CACNB2: variants seen among roughly 807,000 people sequenced by gnomAD.
The protein encoded by CACNB2 is calcium voltage-gated channel auxiliary subunit beta 2, also known as voltage-dependent L-type calcium channel subunit beta-2.
Under a neutral mutation model 73.3 loss-of-function variants are expected in CACNB2, and 42 were observed. The observed-to-expected ratio is 0.57, with a 90% CI of 0.45 to 0.74. CACNB2 has a LOEUF of 0.74. CACNB2 is among the 30% of genes least tolerant of loss of function. CACNB2 has a pLI of 0.00. For synonymous variants in CACNB2, 348 were observed against 310.3 expected, an observed-to-expected ratio of 1.12 and a Z score of -1.28; for missense variants, 940 against 853.0, an observed-to-expected ratio of 1.10 and a Z score of -1.27.
chr10:18,388,482 T>G (rs1171034251), intron 2 of CACNB2, among the ~76,000 whole-genome samples: 2 of 152,174 alleles, frequency 1.3e-5, no homozygotes, highest in African/African-American at 4.8e-5. Context: ...TACTTTCCAG[T>G]GCTTTATTTC....
At chr10:18,191,259 G>C (rs766904309) in intron 2 of CACNB2, among the ~76,000 whole-genome samples, 1 of 152,174 alleles carries the variant, frequency 6.6e-6, no homozygotes, top group Non-Finnish European at 1.5e-5. Context: ...TTTTATGAAT[G>C]AAAATACTGA....
intron 5 of CACNB2, among the ~76,000 whole-genome samples, chr10:18,504,282 G>A (rs1411333821): frequency 6.6e-6 from 1 of 152,220 alleles, no homozygotes; most frequent in Non-Finnish European, 1.5e-5. Flanking sequence ...GTAAGCGTCA[G>A]AACCAAGATG....
In CACNB2 at chr10:18,470,180, C is replaced by G. The variant is rs909755071; in HGVS notation, c.334-28175C>G. On this transcript the variant is annotated intron_variant, in intron 3 of 13. Transcript: ENST00000324631. The stretch of plus-strand genomic sequence containing the variant: ...TAGCCAAAATAAAAAAATTTAAAAT[C>G]CACATTAAAAAGAAATGTATTCAGG... 4.0e-5 allele frequency among the ~76,000 whole-genome samples: 6 copies of G among 151,424 alleles called. 1 individual carries two copies. The highest frequency in any genetic ancestry group is 8.8e-5 in the Non-Finnish European group (6 of 67,910).
chr10:18,230,621 A>T (rs2036188874), intron 2 of CACNB2, among the ~76,000 whole-genome samples: 1 of 152,222 alleles, frequency 6.6e-6, no homozygotes, highest in African/African-American at 2.4e-5. Context: ...TCTTGGAAAA[A>T]TCTATAAATG....
chr10:18,256,357 G>T (rs1055558668), intron 2 of CACNB2, among the ~76,000 whole-genome samples: 3 of 152,050 alleles, frequency 2.0e-5, no homozygotes, highest in African/African-American at 7.2e-5. Context: ...TATTGACCAG[G>T]TTATTTTTAG....
At chr10:18,321,117 G>T (rs2040382929) in intron 2 of CACNB2, among the ~76,000 whole-genome samples, 1 of 152,200 alleles carries the variant, frequency 6.6e-6, no homozygotes, top group African/African-American at 2.4e-5. Context: ...TGAGAAAGCA[G>T]AAATAGACCT....
intron 3 of CACNB2, among the ~76,000 whole-genome samples, chr10:18,440,578 TTG>T (rs1345191588): frequency 3.3e-5 from 5 of 151,904 alleles, no homozygotes; most frequent in African/African-American, 1.2e-4. Context: ...CACTTAGAGG[TTG>T]CAGTGAGTTG....
chr10:18,357,223 G>A (rs1589129469), intron 2 of CACNB2, among the ~76,000 whole-genome samples: 1 of 151,864 alleles, frequency 6.6e-6, no homozygotes, highest in African/African-American at 2.4e-5. Flanking sequence ...GATTACAGGC[G>A]TGAGCCACCG....
At chr10:18,285,280 G>T (rs1443117301) in intron 2 of CACNB2, among the ~76,000 whole-genome samples, 4 of 152,192 alleles carry the variant, frequency 2.6e-5, no homozygotes, top group African/African-American at 9.6e-5. Flanking sequence ...GACTTTCAAG[G>T]TTAGGTGAGA....
At chr10:18,446,607 T>A (rs1589382594) in intron 3 of CACNB2, among the ~76,000 whole-genome samples, 3 of 152,288 alleles carry the variant, frequency 2.0e-5, no homozygotes, top group East Asian at 3.9e-4. Context: ...CTACTTAGTA[T>A]CACAGATGTT....
chr10:18,419,189 A>G (rs561720710), intron 3 of CACNB2, among the ~76,000 whole-genome samples: 1 of 152,366 alleles, frequency 6.6e-6, no homozygotes, highest in Non-Finnish European at 1.5e-5. Context: ...TTCTCCTCTG[A>G]GCGTACTGTG....
chr10:18,418,539 C>T (rs1173776709), intron 3 of CACNB2, among the ~76,000 whole-genome samples: 1 of 152,172 alleles, frequency 6.6e-6, no homozygotes, highest in Non-Finnish European at 1.5e-5. Flanking sequence ...AGATTGAAAA[C>T]CTAACTTGGA....
intron 2 of CACNB2, among the ~76,000 whole-genome samples, chr10:18,268,809 C>G (rs2037923275): frequency 6.6e-6 from 1 of 152,164 alleles, no homozygotes; most frequent in African/African-American, 2.4e-5. Flanking sequence ...TCTCCTACCT[C>G]ACTAGAAAAC....
rs1230031699 is a variant in CACNB2 at position 18,542,155 on chromosome 10, A to G, written c.*2431A>G. On this transcript the variant is annotated 3_prime_UTR_variant, in exon 14 of 14. Transcript: ENST00000324631. ...GCTGCAGTGAACCGTGACTGTACCA[A>G]TGCACTCCAGCCTGGTGACAACCTG... 2 of 151,940 alleles carry G rather than the reference A, an allele frequency of 1.3e-5. No homozygotes were observed. Among genetic ancestry groups the G allele is most frequent in the Non-Finnish European group, 2.9e-5 (2 of 67,952 alleles). 9.4% of individuals were successfully genotyped at this position (151,940 alleles called of 1,614,324 possible). A position where few individuals can be genotyped will look rare whatever the true frequency, so the allele number is the denominator to read the frequency against.
At chr10:18,320,808 T>G (rs1350819464) in intron 2 of CACNB2, among the ~76,000 whole-genome samples, 1 of 152,244 alleles carries the variant, frequency 6.6e-6, no homozygotes, top group African/African-American at 2.4e-5. Flanking sequence ...TGATTTTCAC[T>G]TCCTGTCCAG....
At chr10:18,298,745 G>A (rs1176493527) in intron 2 of CACNB2, among the ~76,000 whole-genome samples, 1 of 152,216 alleles carries the variant, frequency 6.6e-6, no homozygotes, top group African/African-American at 2.4e-5. Context: ...CCACCTTCTT[G>A]TAGTTCAACT....
In CACNB2 at chr10:18,265,241, C is replaced by T. The variant is rs1033635709; in HGVS notation, c.213+114266C>T. Among the ~76,000 whole-genome samples the T allele has an allele frequency of 1.3e-4, 19 of 150,404 alleles. 1 individual carries two copies. The highest frequency in any genetic ancestry group is 6.3e-4 in the South Asian group (3 of 4,748). On this transcript the variant is annotated intron_variant, in intron 2 of 13. Transcript: ENST00000324631. ...TCTCAGCTCTCTGCAACCTCCACCT[C>T]CCGCATTCAAGCCTCAGCCTCCTGA...
intron 2 of CACNB2, among the ~76,000 whole-genome samples, chr10:18,248,696 TCTGTC>T (rs1224479431): frequency 2.6e-5 from 4 of 152,334 alleles, no homozygotes; most frequent in African/African-American, 9.6e-5. Flanking sequence ...TTCCTCTTGT[TCTGTC>T]CTGTAATTTT....
chr10:18,455,556 T>C (rs1224573340), intron 3 of CACNB2, among the ~76,000 whole-genome samples: 5 of 152,194 alleles, frequency 3.3e-5, no homozygotes, highest in Non-Finnish European at 7.3e-5. Context: ...GGATAAATAG[T>C]GTATAAAGTT....
Sources: allele counts gnomAD v4.1 joint callset (sites outside exome capture counted in the v4.1 genomes callset), GRCh38; gene constraint gnomAD v4.1.1; transcripts MANE v1.5; gene names NCBI Gene and HGNC (gene_info 2026-07-23, HGNC 2026-07-21).